Variants in PTK2 observed in about 807,000 individuals in gnomAD.
PTK2 encodes the protein protein tyrosine kinase 2, also known as focal adhesion kinase 1.
A neutral mutation model predicts 150.1 loss-of-function variants in PTK2; 45 were observed. The observed-to-expected ratio is 0.30, with a 90% CI of 0.24 to 0.38. The LOEUF (loss-of-function observed/expected upper bound fraction) is 0.38. PTK2 is among the 10% of genes least tolerant of loss of function. The pLI is 1.00. For missense variants in PTK2, 919 were observed against 1,307.3 expected (o/e 0.70, Z 4.58); for synonymous variants, 432 against 449.2 (o/e 0.96, Z 0.48).
At chr8:140,887,361 T>C (rs1306057397) in intron 3 of PTK2, among the ~76,000 whole-genome samples, 1 of 152,184 alleles carries the variant, frequency 6.6e-6, no homozygotes, top group Non-Finnish European at 1.5e-5. Flanking sequence ...CTTCAATGAG[T>C]ATCATTTTAC....
At chr8:140,877,102 G>A (rs950840074) in intron 4 of PTK2, among the ~76,000 whole-genome samples, 1 of 138,596 alleles carries the variant, frequency 7.2e-6, no homozygotes, top group Non-Finnish European at 1.5e-5. Flanking sequence ...GCATGATCTC[G>A]GCTCACTGCA....
chr8:140,925,689 G>A (rs2100169183), exon 2 of PTK2: 2 of 984,810 alleles, frequency 2.0e-6, no homozygotes, highest in Non-Finnish European at 2.4e-6. Flanking sequence ...GAGGAGCTCT[G>A]GGGAAACTGC....
intron 1 of PTK2, among the ~76,000 whole-genome samples, chr8:140,953,176 G>A (rs2100180077): frequency 6.6e-6 from 1 of 152,144 alleles, no homozygotes; most frequent in African/African-American, 2.4e-5. Context: ...CTTATCTGCA[G>A]GGGATATGCT....
At chr8:140,669,301 G>GTGTACATATATATA (rs1554641612) in intron 29 of PTK2, 1 of 97,984 alleles carries the variant, frequency 1.0e-5, no homozygotes, top group Non-Finnish European at 1.9e-5. Context: ...GCATAAAATG[G>GTGTACATATATATA]TATATATATA....
intron 4 of PTK2, among the ~76,000 whole-genome samples, chr8:140,870,767 CATG>C (rs1277624574): frequency 3.3e-5 from 5 of 152,138 alleles, no homozygotes; most frequent in African/African-American, 1.2e-4. Flanking sequence ...AAAATTTTGT[CATG>C]ATATTTAATA....
intron 2 of PTK2, among the ~76,000 whole-genome samples, chr8:140,893,275 T>G (rs1187106712): frequency 2.0e-5 from 3 of 152,166 alleles, no homozygotes; most frequent in African/African-American, 7.2e-5. Flanking sequence ...CATGCCATTG[T>G]ACTCCAGCTT....
chr8:140,759,585 A>C (rs981110599), intron 16 of PTK2, among the ~76,000 whole-genome samples: 5 of 150,674 alleles, frequency 3.3e-5, no homozygotes, highest in African/African-American at 1.2e-4. Context: ...TGGCTGGCTC[A>C]GTGGCTCATG....
At chr8:140,797,082 A>G (rs2100092048) in intron 12 of PTK2, among the ~76,000 whole-genome samples, 3 of 152,210 alleles carry the variant, frequency 2.0e-5, no homozygotes, top group African/African-American at 7.2e-5. Flanking sequence ...AAATGGGCAG[A>G]GTACTCCTAA....
chr8:140,832,612 G>C (rs1426162178), intron 7 of PTK2, among the ~76,000 whole-genome samples: 2 of 152,150 alleles, frequency 1.3e-5, no homozygotes, highest in Non-Finnish European at 2.9e-5. Context: ...GCAGAGGGAG[G>C]CATGGCCTGA....
intron 22 of PTK2, among the ~76,000 whole-genome samples, chr8:140,732,866 G>T (rs537660631): frequency 6.6e-6 from 1 of 152,142 alleles, no homozygotes; most frequent in Non-Finnish European, 1.5e-5. Flanking sequence ...GAAAGAAGCC[G>T]AGAAAGATGG....
At chr8:140,770,434 A>G (rs971801361) in intron 14 of PTK2, among the ~76,000 whole-genome samples, 15 of 152,316 alleles carry the variant, frequency 9.8e-5, no homozygotes, top group East Asian at 3.9e-4. Flanking sequence ...CTCAAACAAC[A>G]CAAATGAAAC....
intron 1 of PTK2, among the ~76,000 whole-genome samples, chr8:141,000,087 T>TCACACACACACACACACACACACACA (rs71310820): frequency 3.7e-5 from 3 of 81,608 alleles, no homozygotes; most frequent in Middle Eastern, 5.7e-3. Context: ...TGAAACCAAT[T>TCACACACACACACACACACACACACA]CACACACACA....
intron 12 of PTK2, among the ~76,000 whole-genome samples, chr8:140,794,687 T>C (rs1312221646): frequency 6.6e-6 from 1 of 152,194 alleles, no homozygotes; most frequent in African/African-American, 2.4e-5. Flanking sequence ...TGGCACCTCT[T>C]CGTCTTCTTT....
chr8:140,829,972 T>C (rs954483552), intron 8 of PTK2, among the ~76,000 whole-genome samples: 8 of 152,012 alleles, frequency 5.3e-5, no homozygotes, highest in African/African-American at 2.4e-5. Flanking sequence ...CCACGCTGGA[T>C]ATGGGAAGGA....
intron 1 of PTK2, among the ~76,000 whole-genome samples, chr8:140,998,271 A>T (rs2100198544): frequency 1.3e-5 from 2 of 152,324 alleles, no homozygotes; most frequent in South Asian, 4.1e-4. Context: ...AACTTTATAA[A>T]CACTTTGAAA....
intron 29 of PTK2, among the ~76,000 whole-genome samples, chr8:140,673,616 G>C (rs921362269): frequency 4.6e-5 from 7 of 152,170 alleles, no homozygotes; most frequent in African/African-American, 1.7e-4. Flanking sequence ...GAAAAGAAGA[G>C]CCTCCTCCGT....
At chr8:140,914,011 T>C (rs2100164223) in intron 2 of PTK2, among the ~76,000 whole-genome samples, 1 of 152,134 alleles carries the variant, frequency 6.6e-6, no homozygotes, top group Non-Finnish European at 1.5e-5. Context: ...TTACTAATCA[T>C]TGGGTTCAAC....
chr8:140,952,341 G>A (rs2100179800), intron 1 of PTK2, among the ~76,000 whole-genome samples: 1 of 152,134 alleles, frequency 6.6e-6, no homozygotes, highest in Admixed American at 6.5e-5. Context: ...AAATAGAGGG[G>A]CTGTGACCTT....
Position 140,825,167 on chromosome 8 carries a change from G to A in PTK2, c.648+5305C>T, listed in dbSNP as rs148845423. 9.7e-3 allele frequency among the ~76,000 whole-genome samples: 1,476 copies of A among 152,224 alleles called. 11 individuals are homozygous for A. Among genetic ancestry groups the A allele is most frequent in the Non-Finnish European group, 0.014 (982 of 68,006 alleles). Reference sequence around the variant, plus strand: ...TTAAATGCAGATACATTAACAGCGCGTGAAGAGAGCCTCTTCTTACTCCTA... The same window carrying A: ...TTAAATGCAGATACATTAACAGCGCATGAAGAGAGCCTCTTCTTACTCCTA... On this transcript the variant is annotated intron_variant, in intron 8 of 31. Coordinates refer to ENST00000522684, the Ensembl canonical transcript of PTK2.
Sources: allele counts gnomAD v4.1 joint callset (sites outside exome capture counted in the v4.1 genomes callset), GRCh38; gene constraint gnomAD v4.1.1; transcripts MANE v1.5; gene names NCBI Gene and HGNC (gene_info 2026-07-23, HGNC 2026-07-21).